Variants in TMC3 observed in about 807,000 individuals in gnomAD.
The protein encoded by TMC3 is transmembrane channel-like protein 3.
In TMC3, 98 loss-of-function variants were observed where a neutral mutation model predicts 110.6. The ratio of observed to expected loss-of-function variants is 0.89; its 90% confidence interval spans 0.75 to 1.05. The LOEUF (loss-of-function observed/expected upper bound fraction) is 1.05, where lower values mean the gene tolerates loss of function less well. TMC3 is among the 50% of genes least tolerant of loss of function. The probability of loss-of-function intolerance (pLI) is 0.00; values close to 1 mark genes in which losing one functional copy is unlikely to be tolerated. For synonymous variants in TMC3, 489 were observed against 513.1 expected, an observed-to-expected ratio of 0.95 and a Z score of 0.63; for missense variants, 1,319 against 1,373.2, an observed-to-expected ratio of 0.96 and a Z score of 0.62.
At position 81,351,854 on chromosome 15, in the gene TMC3, A is replaced by T. The variant is rs201090350; in HGVS notation, c.936-13T>A. On this transcript the variant is annotated splice_polypyrimidine_tract_variant and intron_variant, in intron 9 of 21. Coordinates refer to ENST00000359440, the MANE Select transcript of TMC3 (RefSeq NM_001080532.3). ...GATGGTCACTGCCCTGGGGAGAGAA[A>T]CAGGCATGAGAACGGTACACAGGGT... 14 of 1,611,590 alleles carry T rather than the reference A, an allele frequency of 8.7e-6. No homozygotes were observed. Among genetic ancestry groups the T allele is most frequent in the Non-Finnish European group, 1.2e-5 (14 of 1,178,968 alleles).
In TMC3 at chr15:81,349,517, G is replaced by A. The variant is rs541158729; in HGVS notation, c.1134C>T (p.Asp378=). 7.0e-6 allele frequency: 11 copies of A among 1,563,306 alleles called. 1 individual carries two copies. The South Asian group carries it at 1.3e-4, about 19-fold the overall frequency. Residue 378 remains aspartate (D), a synonymous_variant, in exon 11 of 22, where the codon GAC becomes GAT. Transcript: ENST00000359440. ...GGTACATCTCTAAGGCAGCAATGAG[G>A]TCAAAGGCTGATGGTGCTATCATGG... is the stretch of plus-strand genomic sequence containing the variant. The part of the protein sequence containing the change: ...LVTMIAPSAF[D]LIAALEMYHP...
At position 81,332,650 on chromosome 15, in the gene TMC3, G is replaced by T. The variant is rs1389063345; in HGVS notation, c.3072C>A (p.Pro1024=). Reference sequence around the variant, plus strand: ...TGGGCTTCCCTCTGGGCTTCAGAGGGGGCTGTGGGTATTGGAAATTCCGGG... The same window carrying T: ...TGGGCTTCCCTCTGGGCTTCAGAGGTGGCTGTGGGTATTGGAAATTCCGGG... ...PRSRNFQYPQ[P]PLKPRGKPRF... The change falls in exon 22 of 22, where the codon CCC becomes CCA. Residue 1024 remains proline (P), a synonymous_variant. Transcript: ENST00000359440. The T allele has an allele frequency of 6.2e-7, 1 of 1,614,022 alleles. No homozygotes were observed. Among genetic ancestry groups the T allele is most frequent in the Admixed American group, 1.7e-5 (1 of 60,034 alleles).
At position 81,356,547 on chromosome 15, in the gene TMC3, T is replaced by A. The variant is rs1345797558; in HGVS notation, c.791A>T (p.Asn264Ile). Reference protein sequence around the residue: ...RTSLASASNENYTFCWRVFCA... With the variant: ...RTSLASASNEIYTFCWRVFCA... Reference sequence around the variant, plus strand: ...GAACACCCGCCAGCAGAAGGTATAGTTTTCATTGGAAGCACTGGCAAGACT... The same window carrying A: ...GAACACCCGCCAGCAGAAGGTATAGATTTCATTGGAAGCACTGGCAAGACT... Residue 264 changes from asparagine (N) to isoleucine (I), a missense_variant, in exon 8 of 22, where the codon AAC becomes ATC. Physicochemically the swap from Asn to Ile is moderately radical, Grantham distance 149. Transcript: ENST00000359440. 6.3e-7 allele frequency: 1 copy of A among 1,585,422 alleles called. No homozygotes were observed. The highest frequency in any genetic ancestry group is 2.3e-5 in the East Asian group (1 of 43,534).
chr15:81,337,604 G>T, intron 19 of TMC3: 1 of 580,904 alleles, frequency 1.7e-6, no homozygotes. Context: ...CGAGGCAGCT[G>T]CAAGGCCTCT....
chr15:81,345,495 C>G (rs1232481656), intron 12 of TMC3, among the ~76,000 whole-genome samples: 1 of 152,164 alleles, frequency 6.6e-6, no homozygotes, highest in Non-Finnish European at 1.5e-5. Flanking sequence ...ATGCCTTGGG[C>G]AAACAACCCT....
intron 9 of TMC3, among the ~76,000 whole-genome samples, chr15:81,353,160 A>C (rs1893988114): frequency 6.6e-6 from 1 of 151,512 alleles, no homozygotes; most frequent in Admixed American, 6.6e-5. Context: ...AAAAAGTTAA[A>C]AAAATTAAAA....
chr15:81,339,064 A>G (rs1893657196), intron 17 of TMC3, among the ~76,000 whole-genome samples: 1 of 152,224 alleles, frequency 6.6e-6, no homozygotes, highest in Admixed American at 6.5e-5. Flanking sequence ...ATACAGCTGG[A>G]TAATATAGGA....
intron 3 of TMC3, among the ~76,000 whole-genome samples, chr15:81,362,791 C>T (rs1894217835): frequency 6.6e-6 from 1 of 151,986 alleles, no homozygotes; most frequent in African/African-American, 2.4e-5. Context: ...GAGAGTGTGC[C>T]CCAGGAATCC....
rs116985010 is a variant in TMC3 at position 81,338,847 on chromosome 15, G to A, written c.1956-67C>T. Reference sequence around the variant, plus strand: ...GGCAGAAAGATGCTGCAAGACATCAGAAAATGGCTGGATGCCTGGAGGCCA... The same window carrying A: ...GGCAGAAAGATGCTGCAAGACATCAAAAAATGGCTGGATGCCTGGAGGCCA... On this transcript the variant is annotated intron_variant, in intron 17 of 21. Transcript: ENST00000359440. The A allele has an allele frequency of 1.0e-3, 1,653 of 1,579,794 alleles. 27 individuals are homozygous for A. The East Asian group carries it at 0.035, about 33-fold the overall frequency.
chr15:81,350,745 T>G (rs1893929390), intron 10 of TMC3, among the ~76,000 whole-genome samples: 1 of 152,228 alleles, frequency 6.6e-6, no homozygotes, highest in Non-Finnish European at 1.5e-5. Flanking sequence ...GAGGTGGTTT[T>G]TGTGCTATTT....
intron 4 of TMC3, 27 bp from the exon 5 acceptor site, chr15:81,359,498 A>G: frequency 6.8e-7 from 1 of 1,460,138 alleles, no homozygotes; most frequent in Non-Finnish European, 9.2e-7. Flanking sequence ...TAATGAGAAC[A>G]GTTTAAATAA....
At chr15:81,343,431 C>A in intron 14 of TMC3, 86 bp from the exon 15 acceptor site, 1 of 865,232 alleles carries the variant, frequency 1.2e-6, no homozygotes, top group South Asian at 1.4e-5. Flanking sequence ...ATATAGACTT[C>A]TTTGCTCTTA....
intron 21 of TMC3, among the ~76,000 whole-genome samples, chr15:81,334,211 C>T (rs770246906): frequency 5.3e-5 from 8 of 152,072 alleles, no homozygotes; most frequent in Non-Finnish European, 1.2e-4. Context: ...ATATTGCTTT[C>T]GCTGTGCTAC....
rs140485349 is a variant in TMC3 at position 81,373,281 on chromosome 15, C to T, written c.90-544G>A. ...GCAGAGCCAGGCAAAGCAATTTCTA[C>T]GAGCGAAAGATTAGCTAAGCAAATT... On this transcript the variant is annotated intron_variant, in intron 1 of 21. Transcript: ENST00000359440. Among the ~76,000 whole-genome samples, 326 of 152,216 alleles carry T rather than the reference C, an allele frequency of 2.1e-3. 1 individual carries two copies. Among genetic ancestry groups the T allele is most frequent in the African/African-American group, 7.4e-3 (308 of 41,512 alleles).
rs552461999 is a variant in TMC3, at chr15:81,371,593, C to T, written c.236+998G>A. On this transcript the variant is annotated intron_variant, in intron 2 of 21. Transcript: ENST00000359440. The stretch of plus-strand genomic sequence containing the variant: ...CAGGCCATGAAGGCAACTCTGCTAA[C>T]TCCCTTTGCTGTGACCCCAGGCATC... Among the ~76,000 whole-genome samples, 19 of 152,334 alleles carry T rather than the reference C, an allele frequency of 1.2e-4. No homozygotes were observed. In the East Asian group the frequency reaches 2.1e-3, roughly 17 times the overall value.
rs760950791 is a variant in TMC3 at position 81,334,711 on chromosome 15, G to C, written c.2459+9C>G. The C allele has an allele frequency of 8.7e-6, 14 of 1,612,044 alleles. No individual in the cohort carries two copies. The South Asian group carries it at 1.5e-4, about 18-fold the overall frequency. ...CCAGGTTTTAATCTGTGCTGCAGTG[G>C]AGCCTCACCTGTTAGTTTCATGCTC... On this transcript the variant is annotated intron_variant, in intron 21 of 21. Transcript: ENST00000359440.
chr15:81,336,330 T>A (rs1368083235), intron 20 of TMC3, among the ~76,000 whole-genome samples: 1 of 152,110 alleles, frequency 6.6e-6, no homozygotes, highest in African/African-American at 2.4e-5. Context: ...AGGGGCTAGC[T>A]CTCCCCAGCA....
chr15:81,356,342 A>T (rs1298103992), intron 8 of TMC3, 105 bp downstream of exon 8: 1 of 1,279,974 alleles, frequency 7.8e-7, no homozygotes, highest in African/African-American at 1.5e-5. Context: ...CTGGACAATG[A>T]ACATCAATGG....
At chr15:81,346,177 T>G (rs1352845501) in intron 12 of TMC3, among the ~76,000 whole-genome samples, 188 bp downstream of exon 12, 1 of 152,192 alleles carries the variant, frequency 6.6e-6, no homozygotes, top group Non-Finnish European at 1.5e-5. Context: ...CTGAGTTTCT[T>G]TATCTGGGAA....
Sources: allele counts gnomAD v4.1 joint callset (sites outside exome capture counted in the v4.1 genomes callset), GRCh38; gene constraint gnomAD v4.1.1; transcripts MANE v1.5; gene names NCBI Gene and HGNC (gene_info 2026-07-23, HGNC 2026-07-21).